Variants in EPHA5 observed in about 807,000 individuals in gnomAD.
EPHA5 encodes EPH receptor A5, also known as ephrin type-A receptor 5.
EPHA5 carries 60 observed loss-of-function variants against 105.0 expected under a neutral mutation model. The observed-to-expected ratio is 0.57, with a 90% CI of 0.46 to 0.71. The LOEUF (loss-of-function observed/expected upper bound fraction) is 0.71. EPHA5 is among the 30% of genes least tolerant of loss of function. The pLI is 0.00. For synonymous variants in EPHA5, 513 were observed against 449.1 expected, an observed-to-expected ratio of 1.14 and a Z score of -1.80; for missense variants, 1,218 against 1,274.7, an observed-to-expected ratio of 0.96 and a Z score of 0.68.
At chr4:65,454,823 G>T (rs1254815225) in intron 5 of EPHA5, among the ~76,000 whole-genome samples, 1 of 152,220 alleles carries the variant, frequency 6.6e-6, no homozygotes, top group Non-Finnish European at 1.5e-5. Context: ...TCATGCTGAA[G>T]AAATGGGTTA....
rs139784019 is a variant in EPHA5, at chr4:65,501,027, T to A, written c.911-5484A>T. Among the ~76,000 whole-genome samples the A allele has an allele frequency of 2.7e-3, 415 of 151,430 alleles. 1 individual carries two copies. Among genetic ancestry groups the A allele is most frequent in the African/African-American group, 9.7e-3 (404 of 41,480 alleles). On this transcript the variant is annotated intron_variant, in intron 3 of 16. Coordinates refer to ENST00000613740, the MANE Select transcript of EPHA5 (RefSeq NM_001281766.3). Reference sequence around the variant, plus strand: ...ATCATATGTGAATTATCAGAGGATATAAGCTAAGCTAAGTGAATTATATTT... The same window carrying A: ...ATCATATGTGAATTATCAGAGGATAAAAGCTAAGCTAAGTGAATTATATTT...
intron 3 of EPHA5, among the ~76,000 whole-genome samples, chr4:65,556,075 T>C (rs563338139): frequency 5.3e-4 from 80 of 152,318 alleles, no homozygotes; most frequent in African/African-American, 1.8e-3. Context: ...TTCTTATTGA[T>C]ATTTTATAAC....
chr4:65,452,254 T>G (rs1225794133), intron 5 of EPHA5, among the ~76,000 whole-genome samples: 1 of 152,186 alleles, frequency 6.6e-6, no homozygotes, highest in Non-Finnish European at 1.5e-5. Context: ...GAGTTAAAAT[T>G]TATAACCAAT....
intron 8 of EPHA5, among the ~76,000 whole-genome samples, chr4:65,388,355 A>G (rs1720343105): frequency 6.6e-6 from 1 of 152,018 alleles, no homozygotes; most frequent in Non-Finnish European, 1.5e-5. Flanking sequence ...GCTGGGTCAA[A>G]TGGTATTTCT....
chr4:65,347,671 C>T (rs72640274), intron 14 of EPHA5, among the ~76,000 whole-genome samples: 9,953 of 152,192 alleles, frequency 0.065, 414 homozygotes, highest in Admixed American at 0.13. Context: ...TCAATATCAT[C>T]ATCCTATTGG....
At chr4:65,480,948 T>C (rs141924158) in intron 5 of EPHA5, among the ~76,000 whole-genome samples, 1 of 152,208 alleles carries the variant, frequency 6.6e-6, no homozygotes, top group East Asian at 1.9e-4. Flanking sequence ...ATAGGATCAG[T>C]GATCAGACTG....
At chr4:65,603,648 T>C (rs1743952959) in intron 2 of EPHA5, among the ~76,000 whole-genome samples, 1 of 152,094 alleles carries the variant, frequency 6.6e-6, no homozygotes, top group Non-Finnish European at 1.5e-5. Context: ...CAGACAGACA[T>C]AAGCAAAAGG....
chr4:65,454,972 A>G (rs6143067), intron 5 of EPHA5, among the ~76,000 whole-genome samples: 143,885 of 152,184 alleles, frequency 0.95, 68,244 homozygotes, highest in East Asian at 1. Context: ...TCTGCTTGGC[A>G]CGGTGGCTCA....
intron 1 of EPHA5, among the ~76,000 whole-genome samples, chr4:65,646,681 G>A (rs1183118875): frequency 1.3e-5 from 2 of 152,140 alleles, no homozygotes; most frequent in Admixed American, 1.3e-4. Flanking sequence ...TCAGTAGAAT[G>A]ATCTGTTCAT....
intron 3 of EPHA5, among the ~76,000 whole-genome samples, chr4:65,532,792 T>TCTCAAAAATA (rs1289699525): frequency 6.6e-6 from 1 of 151,962 alleles, no homozygotes. Flanking sequence ...AATTATACTT[T>TCTCAAAAATA]CAGATCTCAA....
At position 65,402,070 on chromosome 4, in the gene EPHA5, T is replaced by C. The variant is rs567208807; in HGVS notation, c.1793+2304A>G. Among the ~76,000 whole-genome samples, 10 of 152,266 alleles carry C rather than the reference T, an allele frequency of 6.6e-5. No homozygotes were observed. The East Asian group carries it at 1.7e-3, about 26-fold the overall frequency. On this transcript the variant is annotated intron_variant, in intron 8 of 16. Transcript: ENST00000613740. ...ATCATGCGAGCGGTTTTCCACATGC[T>C]GTTCTCATGATAGTAAGATTGTTCT... is the stretch of plus-strand genomic sequence containing the variant.
rs865862638 is a variant in EPHA5 at position 65,366,045 on chromosome 4, C to T, written c.1874G>A (p.Gly625Glu). 6.3e-7 allele frequency: 1 copy of T among 1,595,286 alleles called. No homozygotes were observed. The highest frequency in any genetic ancestry group is 8.6e-7 in the Non-Finnish European group (1 of 1,166,762). Residue 625 changes from glycine (G) to glutamate (E), a missense_variant, in exon 10 of 17, where the codon GGA becomes GAA. This residue lies in a region of EPHA5 where 971 missense variants were observed against 1,013.5 expected (regional missense o/e 0.96). Transcript: ENST00000613740. The stretch of plus-strand genomic sequence containing the variant: ...ATGTGGATCAATGTAAGTTCTTACT[C>T]CTGGCAGTTTAACTGTAAATATAAA... Reference protein sequence around the residue: ...HFHNGHIKLPGVRTYIDPHTY... With the variant: ...HFHNGHIKLPEVRTYIDPHTY...
At chr4:65,345,221 G>A (rs1007914603) in intron 14 of EPHA5, among the ~76,000 whole-genome samples, 6 of 152,112 alleles carry the variant, frequency 3.9e-5, no homozygotes, top group African/African-American at 1.4e-4. Flanking sequence ...GCTAGTCAGT[G>A]CTCCCCTCCC....
intron 5 of EPHA5, among the ~76,000 whole-genome samples, chr4:65,479,693 G>T (rs1466226588): frequency 6.6e-6 from 1 of 152,064 alleles, no homozygotes; most frequent in Non-Finnish European, 1.5e-5. Flanking sequence ...GTTACTGGGT[G>T]AGTTGATATG....
chr4:65,651,331 T>G (rs540987107), intron 1 of EPHA5, among the ~76,000 whole-genome samples: 1 of 152,196 alleles, frequency 6.6e-6, no homozygotes, highest in Non-Finnish European at 1.5e-5. Flanking sequence ...AAAATCAATG[T>G]TGTTGCTTAA....
chr4:65,418,893 T>TTTTG (rs1490104024), intron 6 of EPHA5, among the ~76,000 whole-genome samples: 2 of 105,646 alleles, frequency 1.9e-5, no homozygotes, highest in African/African-American at 6.6e-5. Context: ...TTTTTTTTTT[T>TTTTG]TTGCTTCGAG....
At chr4:65,495,778 T>C (rs1166836318) in intron 3 of EPHA5, among the ~76,000 whole-genome samples, 1 of 152,184 alleles carries the variant, frequency 6.6e-6, no homozygotes, top group East Asian at 1.9e-4. Flanking sequence ...TTGTAATGAT[T>C]TTTATGCTAC....
intron 11 of EPHA5, 114 bp downstream of exon 11, chr4:65,364,903 A>G (rs989800705): frequency 1.3e-5 from 10 of 785,416 alleles, no homozygotes; most frequent in African/African-American, 1.8e-5. Context: ...ATAAACATTA[A>G]TATTAGAGAA....
chr4:65,527,199 A>G (rs1735318240), intron 3 of EPHA5, among the ~76,000 whole-genome samples: 1 of 152,144 alleles, frequency 6.6e-6, no homozygotes, highest in Non-Finnish European at 1.5e-5. Flanking sequence ...GCCATATATT[A>G]AAATGCTTAT....
Sources: allele counts gnomAD v4.1 joint callset (sites outside exome capture counted in the v4.1 genomes callset), GRCh38; gene constraint gnomAD v4.1.1; regional missense constraint gnomAD v4.1.1; transcripts MANE v1.5; gene names NCBI Gene and HGNC (gene_info 2026-07-23, HGNC 2026-07-21).